The following MKRN2OS variants were observed in gnomAD, a reference collection of about 807,000 sequenced individuals.
The protein encoded by MKRN2OS is MKRN2 opposite strand.
MKRN2OS carries 17 observed loss-of-function variants against 18.2 expected under a neutral mutation model. The ratio of observed to expected loss-of-function variants is 0.93; its 90% confidence interval spans 0.64 to 1.40. MKRN2OS has a LOEUF of 1.40. Ranked by LOEUF, MKRN2OS falls within the 40% of genes most tolerant of loss-of-function variation. The pLI, the probability that MKRN2OS is intolerant of heterozygous loss-of-function variation, is 0.00. For synonymous variants in MKRN2OS, 121 were observed against 108.5 expected (o/e 1.12, Z -0.72); for missense variants, 337 against 283.0 (o/e 1.19, Z -1.37).
At chr3:12,543,288 C>T (rs1321691862) in intron 1 of MKRN2OS, 59 bp from the exon 2 acceptor site, 1 of 1,418,898 alleles carries the variant, frequency 7.0e-7, no homozygotes. Context: ...GAAGAATTGG[C>T]ATTTAAAGTA....
chr3:12,550,108 T>C (rs945996416), upstream of MKRN2OS, among the ~76,000 whole-genome samples: 1 of 152,198 alleles, frequency 6.6e-6, no homozygotes, highest in East Asian at 1.9e-4. Context: ...CCCAAATGAA[T>C]GAAAACCTAC....
At chr3:12,559,790 T>G (rs188022212) in intron 1 of MKRN2OS, among the ~76,000 whole-genome samples, 1 of 152,318 alleles carries the variant, frequency 6.6e-6, no homozygotes, top group Admixed American at 6.5e-5. Context: ...CCAGTCTGTT[T>G]TCGGAGCCCT....
intron 1 of MKRN2OS, among the ~76,000 whole-genome samples, chr3:12,555,562 T>C (rs1395828898): frequency 6.6e-6 from 1 of 152,154 alleles, no homozygotes; most frequent in Admixed American, 6.5e-5. Context: ...CATGGAAAGA[T>C]CTCACAGATA....
At chr3:12,543,765 A>G (rs1329593887) in intron 1 of MKRN2OS, among the ~76,000 whole-genome samples, 1 of 151,624 alleles carries the variant, frequency 6.6e-6, no homozygotes, top group Non-Finnish European at 1.5e-5. Flanking sequence ...GGTGGAGGGC[A>G]CCTGTAATCC....
At chr3:12,551,450 G>C (rs1301331650), downstream of MKRN2OS, among the ~76,000 whole-genome samples, 1 of 151,294 alleles carries the variant, frequency 6.6e-6, no homozygotes, top group Non-Finnish European at 1.5e-5. Flanking sequence ...AGCCAAGATT[G>C]TGCCTCTGCA....
chr3:12,542,725 A>AC (rs1247876490), intron 2 of MKRN2OS, among the ~76,000 whole-genome samples: 2 of 120,942 alleles, frequency 1.7e-5, no homozygotes, highest in Non-Finnish European at 3.5e-5. Flanking sequence ...AAAAAAAAAA[A>AC]AAAAAAAAAC....
intron 2 of MKRN2OS, among the ~76,000 whole-genome samples, chr3:12,542,711 TAAAAAAAAAAAA>T (rs544900301): frequency 1.8e-5 from 2 of 109,072 alleles, no homozygotes; most frequent in African/African-American, 3.9e-5. Context: ...TCACTTTCCT[TAAAAAAAAAAAA>T]AAAAAAAAAA....
upstream of MKRN2OS, among the ~76,000 whole-genome samples, chr3:12,548,740 T>G (rs1269122683): frequency 1.3e-5 from 2 of 152,208 alleles, no homozygotes; most frequent in East Asian, 3.8e-4. Context: ...CCAAGAGGTA[T>G]TGTTAATCTC....
chr3:12,545,590 C>T (rs2057875206), upstream of MKRN2OS: 1 of 687,862 alleles, frequency 1.5e-6, no homozygotes, highest in Non-Finnish European at 2.3e-6. Context: ...CTGATGGCTT[C>T]AGAAGCCAAA....
Position 12,543,191 on chromosome 3 carries a change from GTT to G in MKRN2OS, c.255_256del (p.Thr86Ter). On this transcript the variant is annotated frameshift_variant, in exon 2 of 4. Coordinates refer to ENST00000564146, the MANE Select transcript of MKRN2OS (RefSeq NM_001195279.2). LOFTEE classifies it high-confidence loss of function. The stretch of plus-strand genomic sequence containing the variant: ...AAAACTGCACTTACCATTTGTGTTA[GTT>G]ATTCCAACATGAAGATCAGACCTTC... 1 of 1,535,822 alleles carries G rather than the reference GTT, an allele frequency of 6.5e-7. No homozygotes were observed. Among genetic ancestry groups the G allele is most frequent in the Non-Finnish European group, 8.7e-7 (1 of 1,146,768 alleles).
Position 12,540,245 on chromosome 3 carries a change from G to A in MKRN2OS, c.620C>T (p.Thr207Ile). 2.0e-6 allele frequency: 3 copies of A among 1,536,164 alleles called. No individual in the cohort carries two copies. Among genetic ancestry groups the A allele is most frequent in the Non-Finnish European group, 2.6e-6 (3 of 1,146,916 alleles). ...RAIREHGFYVTDCPQQQAQPP... is the reference protein window; with the variant it reads ...RAIREHGFYVIDCPQQQAQPP... Reference sequence around the variant, plus strand: ...TTGTGCCTGCTGCTGGGGACAGTCAGTGACGTAGAAGCCATGCTCCCGTAT... The same window carrying A: ...TTGTGCCTGCTGCTGGGGACAGTCAATGACGTAGAAGCCATGCTCCCGTAT... Residue 207 changes from threonine (T) to isoleucine (I), a missense_variant, in exon 4 of 4, where the codon ACT becomes ATT. Thr to Ile is a moderately conservative substitution (Grantham distance 89, BLOSUM62 -1). Transcript: ENST00000564146.
At chr3:12,548,739 A>G (rs1001407755), upstream of MKRN2OS, among the ~76,000 whole-genome samples, 1 of 152,204 alleles carries the variant, frequency 6.6e-6, no homozygotes, top group African/African-American at 2.4e-5. Context: ...ACCAAGAGGT[A>G]TTGTTAATCT....
chr3:12,551,154 A>T (rs954486668), downstream of MKRN2OS, among the ~76,000 whole-genome samples: 1 of 151,552 alleles, frequency 6.6e-6, no homozygotes, highest in Non-Finnish European at 1.5e-5. Flanking sequence ...GCCAAGACCC[A>T]CAAAATGAGC....
chr3:12,552,947 T>C (rs888810346), downstream of MKRN2OS, among the ~76,000 whole-genome samples: 3 of 136,468 alleles, frequency 2.2e-5, no homozygotes, highest in African/African-American at 8.6e-5. Flanking sequence ...AACCAGGAGG[T>C]GGAGGTTGCA....
At chr3:12,555,476 T>C (rs2057961313) in intron 1 of MKRN2OS, among the ~76,000 whole-genome samples, 1 of 152,152 alleles carries the variant, frequency 6.6e-6, no homozygotes, top group South Asian at 2.1e-4. Context: ...TGGAAGTATA[T>C]ACCATGCTCA....
At chr3:12,557,588 T>C (rs1011148775) in intron 1 of MKRN2OS, among the ~76,000 whole-genome samples, 1 of 152,240 alleles carries the variant, frequency 6.6e-6, no homozygotes, top group African/African-American at 2.4e-5. Context: ...AGTAATTTGT[T>C]AATCGATTAT....
At chr3:12,552,127 G>A (rs1330828321), downstream of MKRN2OS, among the ~76,000 whole-genome samples, 6 of 151,978 alleles carry the variant, frequency 3.9e-5, no homozygotes, top group African/African-American at 1.4e-4. Flanking sequence ...AGACCAGCCT[G>A]GCCAAGATAG....
intron 3 of MKRN2OS, among the ~76,000 whole-genome samples, chr3:12,541,536 A>T (rs1012188052): frequency 6.6e-6 from 1 of 151,886 alleles, no homozygotes; most frequent in African/African-American, 2.4e-5. Flanking sequence ...TGTTTTTTTT[A>T]ATTTTTAAGG....
downstream of MKRN2OS, among the ~76,000 whole-genome samples, chr3:12,552,021 A>G (rs1012490923): frequency 2.0e-5 from 3 of 151,808 alleles, no homozygotes; most frequent in Middle Eastern, 3.4e-3. Context: ...AAATGCTCCG[A>G]TACAAAAAAC....
Sources: gnomAD v4.1 joint callset for allele counts (sites outside exome capture counted in the v4.1 genomes callset) on GRCh38, gnomAD v4.1.1 for gene constraint, MANE v1.5 for transcripts, NCBI Gene and HGNC (gene_info 2026-07-23, HGNC 2026-07-21) for gene names.